Variants in IL18 observed in about 807,000 individuals in gnomAD.
IL18 encodes the protein interleukin-18.
IL18 carries 8 observed loss-of-function variants against 14.2 expected under a neutral mutation model. The observed-to-expected ratio is 0.56, with a 90% CI of 0.33 to 1.01. The LOEUF is 1.01. Among genes scored for constraint, IL18 ranks in the 50% least tolerant of loss-of-function variants. IL18 has a pLI of 0.03. For missense variants in IL18, 166 were observed against 231.1 expected (o/e 0.72, Z 1.83); for synonymous variants, 67 against 71.0 (o/e 0.94, Z 0.28).
At chr11:112,156,313 A>T (rs1866530998) in intron 1 of IL18, among the ~76,000 whole-genome samples, 1 of 152,098 alleles carries the variant, frequency 6.6e-6, no homozygotes, top group African/African-American at 2.4e-5. Context: ...TGGCCTCCCA[A>T]AGTGCTTGAG....
intron 1 of IL18, among the ~76,000 whole-genome samples, chr11:112,162,849 G>T (rs1329676489): frequency 6.6e-6 from 1 of 152,152 alleles, no homozygotes; most frequent in Non-Finnish European, 1.5e-5. Context: ...GTCTCGCTCT[G>T]TTTAGTGGCT....
chr11:112,149,526 G>A (rs1028666991), intron 4 of IL18, among the ~76,000 whole-genome samples: 2 of 149,972 alleles, frequency 1.3e-5, no homozygotes, highest in Middle Eastern at 3.3e-3. Context: ...ATTTTGGAAG[G>A]CACAGTAGAC....
In IL18 at chr11:112,155,162, T is replaced by C. The variant is rs12721559; in HGVS notation, c.-8-101A>G. 5.5e-3 allele frequency: 3,259 copies of C among 596,002 alleles called. 58 individuals are homozygous for C. The highest frequency in any genetic ancestry group is 0.011 in the East Asian group (408 of 36,846). The allele number at this position is 596,002 out of a possible 1,614,324, so 36.9% of individuals were successfully genotyped here. ...TCAGTGGTCAGTTAATCACCTAGTA[T>C]ACTGATGAACAATCTTGACATTCAA... On this transcript the variant is annotated intron_variant, in intron 1 of 5. Coordinates refer to ENST00000280357, the MANE Select transcript of IL18 (RefSeq NM_001562.4).
At position 112,160,121 on chromosome 11, in the gene IL18, C is replaced by G. The variant is rs528389773; in HGVS notation, c.-9+3785G>C. Among the ~76,000 whole-genome samples, 5 of 152,244 alleles carry G rather than the reference C, an allele frequency of 3.3e-5. No homozygotes were observed. In the East Asian group the frequency reaches 9.6e-4, roughly 29 times the overall value. On this transcript the variant is annotated intron_variant, in intron 1 of 5. Coordinates refer to ENST00000280357, the MANE Select transcript of IL18 (RefSeq NM_001562.4). ...CCTTGTCTGATAAATACTGTAGATT[C>G]TAACTCAGAAATGTCTCCAGAATTT...
Position 112,150,071 on chromosome 11 carries a change from C to T in IL18, c.226+1G>A. The T allele has an allele frequency of 1.3e-6, 2 of 1,591,794 alleles. No individual in the cohort carries two copies. Among genetic ancestry groups the T allele is most frequent in the African/African-American group, 1.4e-5 (1 of 73,406 alleles). ...CTATGTTTGCGAATTAAAAAAAATACCTCTACAGTCAGAATCAGTCATATC... is the reference window on the plus strand; with the variant it reads ...CTATGTTTGCGAATTAAAAAAAATATCTCTACAGTCAGAATCAGTCATATC... On this transcript the variant is annotated splice_donor_variant, in intron 4 of 5. Transcript: ENST00000280357. LOFTEE classifies it high-confidence loss of function.
intron 5 of IL18, among the ~76,000 whole-genome samples, chr11:112,146,158 G>A (rs1189491561): frequency 1.3e-5 from 2 of 150,646 alleles, no homozygotes; most frequent in Admixed American, 6.7e-5. Flanking sequence ...CCTGGATATA[G>A]ATACATATAT....
intron 1 of IL18, among the ~76,000 whole-genome samples, chr11:112,158,120 A>T (rs360723): frequency 0.86 from 130,778 of 152,146 alleles, 56,453 homozygotes; most frequent in South Asian, 0.9. Context: ...GTGCTGGGAT[A>T]ACAGGGGTAA....
intron 1 of IL18, among the ~76,000 whole-genome samples, chr11:112,162,704 T>C (rs889954159): frequency 6.6e-6 from 1 of 152,186 alleles, no homozygotes; most frequent in African/African-American, 2.4e-5. Context: ...CAAGGTAAAG[T>C]CGGATTAGAT....
chr11:112,153,445 A>G (rs1340339269), intron 3 of IL18, 147 bp downstream of exon 3: 1 of 464,026 alleles, frequency 2.2e-6, no homozygotes, highest in African/African-American at 2.0e-5. Flanking sequence ...TTCATTCCAA[A>G]GCTGTGCTAC....
chr11:112,155,114 A>G, intron 1 of IL18, 53 bp from the exon 2 acceptor site: 2 of 1,000,276 alleles, frequency 2.0e-6, no homozygotes, highest in South Asian at 1.3e-5. Flanking sequence ...ACCTTTTACT[A>G]CTACTTTATA....
intron 3 of IL18, chr11:112,150,553 T>C (rs1866419969): frequency 6.1e-6 from 1 of 163,620 alleles, no homozygotes; most frequent in Admixed American, 6.2e-5. Context: ...ATCTAACCTC[T>C]TCCCGTCTTC....
At chr11:112,144,427 G>T (rs1435894967) in intron 5 of IL18, among the ~76,000 whole-genome samples, 4 of 152,094 alleles carry the variant, frequency 2.6e-5, no homozygotes, top group Non-Finnish European at 4.4e-5. Flanking sequence ...TGTAGAGAAG[G>T]GGTCAGGGGG....
At chr11:112,153,962 G>C (rs1403160313) in intron 2 of IL18, among the ~76,000 whole-genome samples, 1 of 151,958 alleles carries the variant, frequency 6.6e-6, no homozygotes, top group African/African-American at 2.4e-5. Context: ...TTTTTATGAA[G>C]GTTTTTTTTT....
chr11:112,145,749 A>AAAAAAAGG (rs1352445084), intron 5 of IL18, among the ~76,000 whole-genome samples: 1 of 142,536 alleles, frequency 7.0e-6, no homozygotes, highest in African/African-American at 2.5e-5. Context: ...AAAAAAAAAG[A>AAAAAAAGG]AAAAAAGAAA....
At chr11:112,162,410 C>G (rs952671733) in intron 1 of IL18, among the ~76,000 whole-genome samples, 9 of 148,556 alleles carry the variant, frequency 6.1e-5, no homozygotes, top group Non-Finnish European at 1.2e-4. Context: ...ACACAGCAAA[C>G]ATGGCTCACT....
At chr11:112,146,303 A>C (rs991426428) in intron 5 of IL18, among the ~76,000 whole-genome samples, 2 of 152,080 alleles carry the variant, frequency 1.3e-5, no homozygotes, top group Non-Finnish European at 2.9e-5. Context: ...AAAGGTGAGC[A>C]CATAAGGGTA....
In IL18 at chr11:112,143,680, C is replaced by T; in HGVS notation, c.498G>A (p.Glu166=). 1 of 1,612,660 alleles carries T rather than the reference C, an allele frequency of 6.2e-7. No homozygotes were observed. Among genetic ancestry groups the T allele is most frequent in the Non-Finnish European group, 8.5e-7 (1 of 1,178,842 alleles). ...YEGYFLACEK[E]RDLFKLILKK... The stretch of plus-strand genomic sequence containing the variant: ...TCAAAATGAGTTTAAAAAGGTCTCT[C>T]TCTTTTTCACAAGCTAGAAAGTATC... The change falls in exon 6 of 6, where the codon GAG becomes GAA. Residue 166 remains glutamate (E), a synonymous_variant. Coordinates refer to ENST00000280357, the MANE Select transcript of IL18 (RefSeq NM_001562.4).
intron 5 of IL18, among the ~76,000 whole-genome samples, chr11:112,146,186 T>C (rs1353539464): frequency 6.6e-6 from 1 of 152,084 alleles, no homozygotes; most frequent in Non-Finnish European, 1.5e-5. Context: ...TATGTATATA[T>C]ATGAAACAGA....
intron 5 of IL18, among the ~76,000 whole-genome samples, chr11:112,145,462 G>A (rs1454005155): frequency 2.6e-5 from 4 of 152,190 alleles, no homozygotes; most frequent in Non-Finnish European, 2.9e-5. Context: ...CAGTTGAGCC[G>A]GGTGCGATGG....
Sources: allele counts gnomAD v4.1 joint callset (sites outside exome capture counted in the v4.1 genomes callset), GRCh38; gene constraint gnomAD v4.1.1; transcripts MANE v1.5; gene names NCBI Gene and HGNC (gene_info 2026-07-23, HGNC 2026-07-21).